The following GALNT14 variants were observed in gnomAD, a reference collection of about 807,000 sequenced individuals.
GALNT14 encodes the protein UDP-GalNAc:polypeptide N-acetylgalactosaminyltransferase 14.
GALNT14 carries 60 observed loss-of-function variants against 77.5 expected under a neutral mutation model. That is an observed-to-expected ratio of 0.77 (90% CI 0.63 to 0.96). The LOEUF is 0.96. Among genes scored for constraint, GALNT14 ranks in the 40% least tolerant of loss-of-function variants. GALNT14 has a pLI of 0.00. For missense variants in GALNT14, 710 were observed against 731.0 expected, an observed-to-expected ratio of 0.97 and a Z score of 0.33; for synonymous variants, 280 against 281.7, an observed-to-expected ratio of 0.99 and a Z score of 0.06.
At chr2:31,056,263 T>G (rs748727498) in intron 1 of GALNT14, among the ~76,000 whole-genome samples, 2 of 152,190 alleles carry the variant, frequency 1.3e-5, no homozygotes, top group Non-Finnish European at 2.9e-5. Flanking sequence ...AAGTTGAAGG[T>G]GATCATCTTC....
intron 2 of GALNT14, among the ~76,000 whole-genome samples, chr2:30,972,749 G>A (rs80280283): frequency 0.011 from 1,636 of 152,284 alleles, 31 homozygotes; most frequent in African/African-American, 0.037. Context: ...ATGACCACCC[G>A]AAGAGGCGGT....
chr2:31,054,914 G>A (rs78890660), intron 1 of GALNT14, among the ~76,000 whole-genome samples: 34 of 152,192 alleles, frequency 2.2e-4, no homozygotes, highest in African/African-American at 7.2e-4. Flanking sequence ...AGGAAACCAC[G>A]GAGCAAAATA....
chr2:31,051,780 G>A (rs1018476121), intron 1 of GALNT14, among the ~76,000 whole-genome samples: 12 of 152,154 alleles, frequency 7.9e-5, no homozygotes, highest in African/African-American at 2.9e-4. Flanking sequence ...ATTTACTGGG[G>A]CTTCCACCGC....
chr2:30,993,060 C>T (rs907581291), intron 1 of GALNT14, 53 bp from the exon 2 acceptor site: 27 of 1,579,176 alleles, frequency 1.7e-5, no homozygotes, highest in Admixed American at 3.5e-5. Context: ...CCTCCACTAG[C>T]CCCCGTCTGC....
At chr2:31,113,810 G>T (rs925678385) in intron 1 of GALNT14, among the ~76,000 whole-genome samples, 1 of 152,238 alleles carries the variant, frequency 6.6e-6, no homozygotes, top group African/African-American at 2.4e-5. Flanking sequence ...CTCAGGCACA[G>T]AGGGAGGTGG....
rs1039284496 is a variant in GALNT14, at chr2:31,119,923, G to A, written c.129+18035C>T. ...TGTAATCCCAGCACTTTGGGAGGCC[G>A]AGGCGGGCGGATCACGAGGTCAGGA... is the stretch of plus-strand genomic sequence containing the variant. On this transcript the variant is annotated intron_variant, in intron 1 of 14. Coordinates refer to ENST00000349752, the MANE Select transcript of GALNT14 (RefSeq NM_024572.4). 2.7e-5 allele frequency among the ~76,000 whole-genome samples: 2 copies of A among 75,092 alleles called. 1 individual carries two copies. The highest frequency in any genetic ancestry group is 5.9e-4 in the East Asian group (2 of 3,378). 49.3% of individuals were successfully genotyped at this position (75,092 alleles called of 152,430 possible).
At chr2:31,018,363 G>A (rs770575522) in intron 1 of GALNT14, among the ~76,000 whole-genome samples, 11 of 152,232 alleles carry the variant, frequency 7.2e-5, no homozygotes, top group Non-Finnish European at 1.5e-4. Context: ...ACTGACTCAC[G>A]TTCCACAGGG....
intron 2 of GALNT14, among the ~76,000 whole-genome samples, chr2:30,977,013 C>T (rs1318867570): frequency 2.0e-5 from 3 of 151,998 alleles, no homozygotes; most frequent in East Asian, 1.9e-4. Context: ...GGTGCCCTCA[C>T]GAGCTCCACG....
intron 1 of GALNT14, among the ~76,000 whole-genome samples, chr2:31,035,972 C>A (rs1672715508): frequency 6.6e-6 from 1 of 152,028 alleles, no homozygotes; most frequent in African/African-American, 2.4e-5. Context: ...ACAACTTTAC[C>A]TACATAACAA....
At chr2:30,964,890 G>T (rs757026371) in intron 3 of GALNT14, among the ~76,000 whole-genome samples, 1 of 152,168 alleles carries the variant, frequency 6.6e-6, no homozygotes, top group Non-Finnish European at 1.5e-5. Flanking sequence ...GCCATGCGGC[G>T]GCGGGAGAGA....
intron 6 of GALNT14, among the ~76,000 whole-genome samples, chr2:30,951,466 G>T (rs1558435272): frequency 6.6e-6 from 1 of 152,124 alleles, no homozygotes; most frequent in Non-Finnish European, 1.5e-5. Flanking sequence ...ATTGCCCATG[G>T]GTATGAGGTT....
intron 1 of GALNT14, among the ~76,000 whole-genome samples, chr2:31,081,591 T>G (rs1676157090): frequency 6.6e-6 from 1 of 152,244 alleles, no homozygotes; most frequent in Non-Finnish European, 1.5e-5. Flanking sequence ...CACATGTTTA[T>G]TTTGTTGGGA....
intron 1 of GALNT14, among the ~76,000 whole-genome samples, chr2:31,009,443 G>A (rs1193455311): frequency 1.3e-5 from 2 of 152,134 alleles, no homozygotes; most frequent in African/African-American, 4.8e-5. Flanking sequence ...AAGTGTGCAT[G>A]GATTTAGCCC....
At chr2:31,066,106 G>A (rs1373608436) in intron 1 of GALNT14, among the ~76,000 whole-genome samples, 1 of 152,212 alleles carries the variant, frequency 6.6e-6, no homozygotes, top group Admixed American at 6.5e-5. Context: ...GTGCCCAGAG[G>A]AGGAGGCATA....
intron 1 of GALNT14, among the ~76,000 whole-genome samples, chr2:31,035,199 T>C (rs558781797): frequency 6.6e-6 from 1 of 152,320 alleles, no homozygotes; most frequent in Middle Eastern, 3.4e-3. Context: ...AAGTGAGGTA[T>C]TGAAGTTTCT....
chr2:30,978,510 G>A (rs1668775297), intron 2 of GALNT14, among the ~76,000 whole-genome samples: 1 of 152,194 alleles, frequency 6.6e-6, no homozygotes, highest in African/African-American at 2.4e-5. Context: ...CACACATCAG[G>A]GGGATGGTAT....
intron 6 of GALNT14, among the ~76,000 whole-genome samples, chr2:30,954,986 T>C (rs184172470): frequency 2.9e-4 from 44 of 152,346 alleles, no homozygotes; most frequent in Non-Finnish European, 7.3e-5. Flanking sequence ...ACACATTCTG[T>C]AGATCAGTAG....
chr2:31,130,036 T>C (rs1230994552), intron 1 of GALNT14, among the ~76,000 whole-genome samples: 1 of 152,232 alleles, frequency 6.6e-6, no homozygotes, highest in Non-Finnish European at 1.5e-5. Flanking sequence ...CAGAGACATG[T>C]GAGTGTGCCC....
At chr2:30,979,076 C>T (rs1458319049) in intron 2 of GALNT14, among the ~76,000 whole-genome samples, 3 of 152,206 alleles carry the variant, frequency 2.0e-5, no homozygotes, top group Admixed American at 2.0e-4. Flanking sequence ...GCGGCCTTGA[C>T]TTCAGGGTTG....
Sources: allele counts gnomAD v4.1 joint callset (sites outside exome capture counted in the v4.1 genomes callset), GRCh38; gene constraint gnomAD v4.1.1; transcripts MANE v1.5; gene names NCBI Gene and HGNC (gene_info 2026-07-23, HGNC 2026-07-21).